KANK1: variants seen among roughly 807,000 people sequenced by gnomAD.
The protein encoded by KANK1 is KN motif and ankyrin repeat domains 1.
Under a neutral mutation model 106.2 loss-of-function variants are expected in KANK1, and 109 were observed. The observed-to-expected ratio is 1.03, with a 90% CI of 0.88 to 1.20. KANK1 has a LOEUF of 1.20. KANK1 is among the 50% of genes most tolerant of loss of function. KANK1 has a pLI of 0.00. For missense variants in KANK1, 2,399 were observed against 1,710.7 expected (o/e 1.40, Z -7.10); for synonymous variants, 873 against 652.2 (o/e 1.34, Z -5.16).
At chr9:640,458 T>G (rs1223550815) in intron 1 of KANK1, among the ~76,000 whole-genome samples, 1 of 151,586 alleles carries the variant, frequency 6.6e-6, no homozygotes, top group African/African-American at 2.4e-5. Flanking sequence ...AGTGCAATGG[T>G]GTAATCTCGG....
At chr9:701,596 G>C (rs1257624369) in intron 2 of KANK1, among the ~76,000 whole-genome samples, 1 of 152,132 alleles carries the variant, frequency 6.6e-6, no homozygotes, top group African/African-American at 2.4e-5. Context: ...CTACACACTA[G>C]ATTCGGGTAG....
At chr9:598,758 G>A (rs1353883805) in intron 1 of KANK1, among the ~76,000 whole-genome samples, 1 of 146,212 alleles carries the variant, frequency 6.8e-6, no homozygotes, top group African/African-American at 2.5e-5. Flanking sequence ...AGCCTCCTGA[G>A]TAGCTGAGAT....
intron 1 of KANK1, among the ~76,000 whole-genome samples, chr9:645,439 TA>T (rs376740141): frequency 0.23 from 16,325 of 70,190 alleles, 991 homozygotes; most frequent in Non-Finnish European, 0.26. Flanking sequence ...GACTGTGTCT[TA>T]AAAAAAAAAA....
intron 1 of KANK1, among the ~76,000 whole-genome samples, chr9:505,096 G>A (rs2058685698): frequency 1.3e-5 from 2 of 152,056 alleles, no homozygotes; most frequent in South Asian, 4.1e-4. Context: ...GGGCCGGGCC[G>A]GCCGGCGGGA....
chr9:513,674 G>C (rs1245672412), intron 1 of KANK1, among the ~76,000 whole-genome samples: 1 of 152,062 alleles, frequency 6.6e-6, no homozygotes, highest in Non-Finnish European at 1.5e-5. Flanking sequence ...AATATTTTTG[G>C]CTAAATTTTT....
intron 1 of KANK1, among the ~76,000 whole-genome samples, chr9:606,221 T>A (rs1026463243): frequency 6.6e-6 from 1 of 150,802 alleles, no homozygotes; most frequent in Non-Finnish European, 1.5e-5. Flanking sequence ...TATAATAGAA[T>A]TTTTATATAA....
chr9:556,812 G>T (rs2251373), intron 1 of KANK1, among the ~76,000 whole-genome samples: 119,591 of 152,050 alleles, frequency 0.79, 47,202 homozygotes, highest in African/African-American at 0.85. Flanking sequence ...TGAATGAGCT[G>T]CTTTCTCGCT....
At chr9:581,319 A>G (rs1374809378) in intron 1 of KANK1, among the ~76,000 whole-genome samples, 5 of 152,234 alleles carry the variant, frequency 3.3e-5, no homozygotes, top group Admixed American at 1.3e-4. Context: ...CTCAATGCCT[A>G]TCTTAAACAG....
At chr9:614,256 C>T (rs1352167903) in intron 1 of KANK1, among the ~76,000 whole-genome samples, 1 of 152,048 alleles carries the variant, frequency 6.6e-6, no homozygotes, top group Non-Finnish European at 1.5e-5. Flanking sequence ...ATTTTTCGAC[C>T]CTCAGTGTTT....
rs1826335475 is a variant in KANK1, at chr9:712,228, C to T, written c.1462C>T (p.Leu488=). ...ETTHDREMTK[L]KQELQAAGSR... ...CACCCATGACCGGGAGATGACTAAA[C>T]TGAAACAAGAGCTGCAGGCTGCTGG... Residue 488 remains leucine (L), a synonymous_variant, in exon 3 of 12, where the codon CTG becomes TTG. Coordinates refer to ENST00000382297, the MANE Select transcript of KANK1 (RefSeq NM_015158.5). 1.2e-6 allele frequency: 2 copies of T among 1,614,066 alleles called. No homozygotes were observed. Among genetic ancestry groups the T allele is most frequent in the Non-Finnish European group, 1.7e-6 (2 of 1,180,022 alleles).
At chr9:618,316 T>C (rs1163664862) in intron 1 of KANK1, among the ~76,000 whole-genome samples, 2 of 152,130 alleles carry the variant, frequency 1.3e-5, no homozygotes, top group Non-Finnish European at 2.9e-5. Context: ...CAAGCAATTC[T>C]CCTGCCTCAG....
intron 1 of KANK1, among the ~76,000 whole-genome samples, chr9:508,656 C>G (rs1345263186): frequency 6.7e-6 from 1 of 148,734 alleles, no homozygotes; most frequent in Non-Finnish European, 1.5e-5. Context: ...CGGTATATAG[C>G]TTTTAGTATC....
At chr9:546,936 A>G (rs926187923) in intron 1 of KANK1, among the ~76,000 whole-genome samples, 1 of 152,194 alleles carries the variant, frequency 6.6e-6, no homozygotes, top group Non-Finnish European at 1.5e-5. Flanking sequence ...GGCTTTGGGA[A>G]GGAAAGAGTA....
intron 2 of KANK1, among the ~76,000 whole-genome samples, chr9:690,837 G>T (rs6477110): frequency 0.73 from 111,095 of 152,070 alleles, 40,706 homozygotes; most frequent in Middle Eastern, 0.82. Flanking sequence ...GCTGGTATAC[G>T]CTCAGCCAGC....
At chr9:473,350 G>C (rs2058052341) in intron 3 of KANK1, 1 of 152,228 alleles carries the variant, frequency 6.6e-6, no homozygotes, top group African/African-American at 2.4e-5. Context: ...AGTGCACACA[G>C]CTTGGAGACT....
intron 3 of KANK1, among the ~76,000 whole-genome samples, chr9:726,735 A>T (rs1830767483): frequency 6.6e-6 from 1 of 151,716 alleles, no homozygotes; most frequent in Admixed American, 6.6e-5. Context: ...CAAGGCGGGC[A>T]GATTTCCTGA....
chr9:503,961 ACT>A (rs1479368221), upstream of KANK1, among the ~76,000 whole-genome samples: 12 of 151,844 alleles, frequency 7.9e-5, no homozygotes, highest in Admixed American at 7.2e-4. Flanking sequence ...TCCGCCGAGG[ACT>A]CTGTCCTGCA....
chr9:602,836 A>G (rs1828112935), intron 1 of KANK1, among the ~76,000 whole-genome samples: 2 of 151,864 alleles, frequency 1.3e-5, no homozygotes, highest in Non-Finnish European at 2.9e-5. Context: ...TCTTGTTTAG[A>G]TGAGATTCCA....
chr9:511,520 T>C (rs959871910), intron 1 of KANK1, among the ~76,000 whole-genome samples: 10 of 152,280 alleles, frequency 6.6e-5, no homozygotes, highest in Middle Eastern at 3.4e-3. Context: ...ATCTCCTTTA[T>C]TGGGTACTTG....
Sources: allele counts gnomAD v4.1 joint callset (sites outside exome capture counted in the v4.1 genomes callset), GRCh38; gene constraint gnomAD v4.1.1; transcripts MANE v1.5; gene names NCBI Gene and HGNC (gene_info 2026-07-23, HGNC 2026-07-21).